The following OVCH1 variants were observed in gnomAD, a reference collection of about 807,000 sequenced individuals.
OVCH1 encodes the protein ovochymase-1.
OVCH1 carries 139 observed loss-of-function variants against 138.4 expected under a neutral mutation model. That is an observed-to-expected ratio of 1.00 (90% CI 0.87 to 1.16). The LOEUF (loss-of-function observed/expected upper bound fraction) is 1.16. Ranked by LOEUF, OVCH1 falls within the 50% of genes most tolerant of loss-of-function variation. The probability of loss-of-function intolerance (pLI) is 0.00; values close to 1 mark genes in which losing one functional copy is unlikely to be tolerated. For missense variants in OVCH1, 1,367 were observed against 1,357.9 expected (o/e 1.01, Z -0.11); for synonymous variants, 453 against 467.8 (o/e 0.97, Z 0.41).
At chr12:29,446,778 C>T (rs1481164477) in intron 22 of OVCH1, among the ~76,000 whole-genome samples, 1 of 151,664 alleles carries the variant, frequency 6.6e-6, no homozygotes, top group Admixed American at 6.6e-5. Context: ...TATAGAGTCA[C>T]TTTGCCATAT....
exon 12 of OVCH1, chr12:29,477,213 C>A: frequency 6.2e-7 from 1 of 1,613,762 alleles, no homozygotes; most frequent in Non-Finnish European, 8.5e-7. Flanking sequence ...CCAATATAGC[C>A]AGACTCCCAC....
chr12:29,431,595 T>TC (rs1941269635), intron 27 of OVCH1, among the ~76,000 whole-genome samples: 1 of 152,228 alleles, frequency 6.6e-6, no homozygotes, highest in Non-Finnish European at 1.5e-5. Context: ...TGACCATTTT[T>TC]CCATGCTACT....
chr12:29,435,491 C>T lies in OVCH1; in HGVS notation c.3265-1678G>A, dbSNP rs188563606. ...ACGCCATTCTCCTGCCTCAGCCTCC[C>T]GAGCAGCTGGGACTACAGGCGCCCG... On this transcript the variant is annotated intron_variant, in intron 26 of 27. Transcript: ENST00000318184. 6.0e-3 allele frequency among the ~76,000 whole-genome samples: 908 copies of T among 152,174 alleles called. 9 individuals carry two copies. The highest frequency in any genetic ancestry group is 0.034 in the Middle Eastern group (10 of 294).
At chr12:29,440,163 T>G (rs1038475987) in intron 25 of OVCH1, among the ~76,000 whole-genome samples, 5 of 152,176 alleles carry the variant, frequency 3.3e-5, no homozygotes, top group African/African-American at 1.2e-4. Context: ...TTTGTTCCTC[T>G]GGATAGATGG....
chr12:29,477,059 A>G, intron 12 of OVCH1, 43 bp downstream of exon 12: 2 of 1,510,192 alleles, frequency 1.3e-6, no homozygotes, highest in Non-Finnish European at 1.8e-6. Context: ...TAACTAACGT[A>G]ACTCTATTCT....
rs1347569 is a variant in OVCH1 at position 29,451,681 on chromosome 12, T to C, written c.2531-112A>G. 3,573 of 753,768 alleles carry C rather than the reference T, an allele frequency of 4.7e-3. 18 individuals carry two copies. Among genetic ancestry groups the C allele is most frequent in the Non-Finnish European group, 6.1e-3 (2,890 of 473,274 alleles). 46.7% of individuals were successfully genotyped at this position (753,768 alleles called of 1,614,324 possible). ...GCTTGCAAGGAGAAAATTAAGACTT[T>C]GTTACTGTCAGTTACAAATTATTCT... On this transcript the variant is annotated intron_variant, in intron 21 of 27. Transcript: ENST00000318184.
At chr12:29,441,336 C>A (rs2135919526) in intron 25 of OVCH1, among the ~76,000 whole-genome samples, 1 of 152,260 alleles carries the variant, frequency 6.6e-6, no homozygotes, top group East Asian at 1.9e-4. Context: ...ACTATCTGAT[C>A]TTTGACAAAC....
intron 3 of OVCH1, among the ~76,000 whole-genome samples, chr12:29,413,362 C>A (rs1268795800): frequency 6.6e-6 from 1 of 152,098 alleles, no homozygotes; most frequent in Non-Finnish European, 1.5e-5. Flanking sequence ...TACATCTGCC[C>A]TTTTTCCATG....
At chr12:29,473,199 G>T in intron 14 of OVCH1, 96 bp from the exon 15 acceptor site, 1 of 801,384 alleles carries the variant, frequency 1.2e-6, no homozygotes, top group Non-Finnish European at 2.0e-6. Context: ...CTACTCTACT[G>T]TAGATCTCAC....
At chr12:29,478,835 T>C (rs1942829826) in exon 9 of OVCH1, 1 of 1,574,578 alleles carries the variant, frequency 6.4e-7, no homozygotes. Flanking sequence ...ACATACTTAC[T>C]AAAAAGCACT....
intron 19 of OVCH1, among the ~76,000 whole-genome samples, chr12:29,461,200 TG>T (rs558884723): frequency 2.6e-4 from 40 of 152,336 alleles, no homozygotes; most frequent in Non-Finnish European, 1.0e-4. Flanking sequence ...TTCCCTTACT[TG>T]GGTAGCCCCA....
intron 25 of OVCH1, 119 bp from the exon 26 acceptor site, chr12:29,440,863 A>T (rs997246275): frequency 4.0e-5 from 17 of 422,692 alleles, no homozygotes; most frequent in African/African-American, 3.3e-4. Flanking sequence ...AGAGGACCCT[A>T]CCTGCATGGA....
chr12:29,485,317 T>TTAAA (rs1943058969), intron 8 of OVCH1, among the ~76,000 whole-genome samples: 1 of 89,854 alleles, frequency 1.1e-5, no homozygotes, highest in Non-Finnish European at 2.2e-5. Flanking sequence ...ACCCAGTCTT[T>TTAAA]AAAAAAAAAA....
chr12:29,495,373 T>C (rs754488933), exon 4 of OVCH1: 5 of 1,613,224 alleles, frequency 3.1e-6, no homozygotes, highest in African/African-American at 2.7e-5. Flanking sequence ...TAATAATTTT[T>C]GAGACAGGAA....
intron 19 of OVCH1, among the ~76,000 whole-genome samples, chr12:29,460,412 C>T (rs899297532): frequency 1.3e-5 from 2 of 152,236 alleles, no homozygotes; most frequent in East Asian, 3.9e-4. Context: ...TATCAGATAA[C>T]ATTTATGTAC....
At chr12:29,481,731 T>C (rs1034273743) in intron 8 of OVCH1, among the ~76,000 whole-genome samples, 1 of 152,172 alleles carries the variant, frequency 6.6e-6, no homozygotes, top group Non-Finnish European at 1.5e-5. Context: ...TGAGTCTACT[T>C]TATCAAAACA....
At chr12:29,437,024 T>A (rs1941376366) in intron 26 of OVCH1, among the ~76,000 whole-genome samples, 1 of 152,156 alleles carries the variant, frequency 6.6e-6, no homozygotes, top group African/African-American at 2.4e-5. Context: ...GACTGGTCCG[T>A]TTTTACAGAG....
At chr12:29,425,414 T>C (rs529273711), downstream of OVCH1, among the ~76,000 whole-genome samples, 1 of 152,288 alleles carries the variant, frequency 6.6e-6, no homozygotes, top group East Asian at 1.9e-4. Context: ...CCAAAACATA[T>C]AATGCTCGCC....
intron 27 of OVCH1, chr12:29,430,991 A>G (rs1025795905): frequency 2.1e-6 from 1 of 467,318 alleles, no homozygotes; most frequent in African/African-American, 2.0e-5. Flanking sequence ...CTATGATTGT[A>G]TTTAATTTTT....
Sources: gnomAD v4.1 joint callset for allele counts (sites outside exome capture counted in the v4.1 genomes callset) on GRCh38, gnomAD v4.1.1 for gene constraint, MANE v1.5 for transcripts, NCBI Gene and HGNC (gene_info 2026-07-23, HGNC 2026-07-21) for gene names.